The following ASXL2 variants were observed in gnomAD, a reference collection of about 807,000 sequenced individuals.
ASXL2 encodes the protein ASXL transcriptional regulator 2, also known as putative Polycomb group protein ASXL2.
ASXL2 carries 23 observed loss-of-function variants against 122.0 expected under a neutral mutation model. The observed-to-expected ratio is 0.19, with a 90% CI of 0.14 to 0.27. The LOEUF (loss-of-function observed/expected upper bound fraction) is 0.27. Among genes scored for constraint, ASXL2 ranks in the 10% least tolerant of loss-of-function variants. ASXL2 has a pLI of 1.00. For synonymous variants in ASXL2, 650 were observed against 637.0 expected (o/e 1.02, Z -0.31); for missense variants, 1,518 against 1,713.8 (o/e 0.89, Z 2.02).
At chr2:25,798,877 C>T (rs980515026) in intron 5 of ASXL2, among the ~76,000 whole-genome samples, 2 of 152,174 alleles carry the variant, frequency 1.3e-5, no homozygotes, top group African/African-American at 4.8e-5. Flanking sequence ...ATGGTGAATA[C>T]ACATCGTTAT....
intron 5 of ASXL2, among the ~76,000 whole-genome samples, chr2:25,792,090 G>A (rs1183211428): frequency 1.3e-5 from 2 of 152,148 alleles, no homozygotes; most frequent in Non-Finnish European, 2.9e-5. Flanking sequence ...TTGAACTCCC[G>A]GGCTCAAGCA....
intron 1 of ASXL2, among the ~76,000 whole-genome samples, chr2:25,863,130 C>A (rs138143272): frequency 6.6e-6 from 1 of 151,190 alleles, no homozygotes; most frequent in South Asian, 2.1e-4. Flanking sequence ...GAGATCGAGA[C>A]CATCCTAGCT....
At position 25,878,392 on chromosome 2, in the gene ASXL2, G is replaced by C; in HGVS notation, c.-170C>G. 3.2e-6 allele frequency: 2 copies of C among 617,302 alleles called. No homozygotes were observed. Among genetic ancestry groups the C allele is most frequent in the Non-Finnish European group, 5.6e-6 (2 of 355,716 alleles). The allele number at this position is 617,302 out of a possible 1,614,324, so 38.2% of individuals were successfully genotyped here. A position where few individuals can be genotyped will look rare whatever the true frequency, so the allele number is the denominator to read the frequency against. On this transcript the variant is annotated 5_prime_UTR_variant, in exon 1 of 13. Transcript: ENST00000435504. Reference sequence around the variant, plus strand: ...AAGCGGCGGGGGTGGTGCGCGGGGGGGTCTATGGGGCGGCCGGTCCTCTTG... The same window carrying C: ...AAGCGGCGGGGGTGGTGCGCGGGGGCGTCTATGGGGCGGCCGGTCCTCTTG...
Position 25,744,312 on chromosome 2 carries a change from G to GGCAGCT in ASXL2, c.2019_2024dup (p.Ala683_Ala684dup). On this transcript the variant is annotated inframe_insertion, in exon 13 of 13. Coordinates refer to ENST00000435504, the MANE Select transcript of ASXL2 (RefSeq NM_018263.6). The surrounding 1 kb of genome is among the most constrained non-coding windows in gnomAD (Gnocchi z 4.7). ...CGGCTGCAGCAGCTGCGGCGGCAGC[G>GGCAGCT]GCAGCTGCTGCCCTCTGTGCTTTGA... The GGCAGCT allele has an allele frequency of 1.9e-6, 3 of 1,611,728 alleles. No homozygotes were observed. Among genetic ancestry groups the GGCAGCT allele is most frequent in the Non-Finnish European group, 2.5e-6 (3 of 1,179,224 alleles).
At chr2:25,844,422 A>C (rs560484884) in intron 2 of ASXL2, among the ~76,000 whole-genome samples, 1 of 152,176 alleles carries the variant, frequency 6.6e-6, no homozygotes, top group East Asian at 1.9e-4. Context: ...CTCTACTAAA[A>C]GTACAAAAAT....
At chr2:25,760,448 T>A (rs1433355871) in intron 8 of ASXL2, among the ~76,000 whole-genome samples, 1 of 152,176 alleles carries the variant, frequency 6.6e-6, no homozygotes. Flanking sequence ...AATATTGTAA[T>A]ATGGTAATGG....
In ASXL2 at chr2:25,786,243, C is replaced by CTTTTTTTTTTTTTTTTTTTTTTTTTTTT. The variant is rs370316025; in HGVS notation, c.403+13141_403+13142insAAAAAAAAAAAAAAAAAAAAAAAAAAAA. On this transcript the variant is annotated intron_variant, in intron 5 of 12. Transcript: ENST00000435504. ...AAACAACCTACTACTCCACATCATT[C>CTTTTTTTTTTTTTTTTTTTTTTTTTTTT]TTTTTTTTTTTTTTTTGAGATGGAG... Among the ~76,000 whole-genome samples the CTTTTTTTTTTTTTTTTTTTTTTTTTTTT allele has an allele frequency of 7.1e-5, 8 of 112,404 alleles. 2 individuals carry two copies. Among genetic ancestry groups the CTTTTTTTTTTTTTTTTTTTTTTTTTTTT allele is most frequent in the African/African-American group, 2.3e-4 (6 of 26,214 alleles). The allele number at this position is 112,404 out of a possible 152,430, so 73.7% of individuals were successfully genotyped here. A position where few individuals can be genotyped will look rare whatever the true frequency, so the allele number is the denominator to read the frequency against.
chr2:25,816,524 A>G (rs957117007), intron 3 of ASXL2, among the ~76,000 whole-genome samples: 3 of 152,228 alleles, frequency 2.0e-5, no homozygotes, highest in African/African-American at 7.2e-5. Flanking sequence ...CCTGTGATTG[A>G]CATGAGAGCC....
chr2:25,810,538 C>T (rs190677435), intron 3 of ASXL2: 37 of 728,526 alleles, frequency 5.1e-5, no homozygotes, highest in Middle Eastern at 7.7e-4. Flanking sequence ...TTCCCAGGCG[C>T]GCCTTTCTCC....
rs1209686137 is a variant in ASXL2, at chr2:25,742,550, T to C, written c.3787A>G (p.Arg1263Gly). ...GQTFDEKTLA[R>G]DLIQAAQKQM... ...TTCTGTGCTGCCTGAATTAAATCTC[T>C]GGCTAGGGTCTTTTCATCAAATGTT... Residue 1263 changes from arginine (R) to glycine (G), a missense_variant, in exon 13 of 13, where the codon AGA becomes GGA. This residue lies in a region of ASXL2 where 831 missense variants were observed against 833.1 expected (regional missense o/e 1.00). Transcript: ENST00000435504. 1.2e-6 allele frequency: 2 copies of C among 1,614,056 alleles called. No individual in the cohort carries two copies. Among genetic ancestry groups the C allele is most frequent in the South Asian group, 2.2e-5 (2 of 91,076 alleles).
chr2:25,790,320 G>A (rs2088811209), intron 5 of ASXL2, among the ~76,000 whole-genome samples: 1 of 146,348 alleles, frequency 6.8e-6, no homozygotes, highest in Non-Finnish European at 1.5e-5. Context: ...CAGTTGCGGG[G>A]TGGGGGTGGG....
At position 25,829,013 on chromosome 2, in the gene ASXL2, A is replaced by G. The variant is rs568938625; in HGVS notation, c.143+6525T>C. ...TCACAAGGCTTATTAAAGATTAAACAGACCATGTGAATGGACTCCCATCTT... is the reference window on the plus strand; with the variant it reads ...TCACAAGGCTTATTAAAGATTAAACGGACCATGTGAATGGACTCCCATCTT... On this transcript the variant is annotated intron_variant, in intron 3 of 12. Coordinates refer to ENST00000435504, the MANE Select transcript of ASXL2 (RefSeq NM_018263.6). Among the ~76,000 whole-genome samples the G allele has an allele frequency of 2.6e-5, 4 of 152,294 alleles. 1 individual carries two copies. In the South Asian group the frequency reaches 8.3e-4, roughly 32 times the overall value.
intron 1 of ASXL2, among the ~76,000 whole-genome samples, chr2:25,855,406 T>C (rs1253771055): frequency 6.6e-6 from 1 of 152,104 alleles, no homozygotes; most frequent in Admixed American, 6.5e-5. Context: ...ATTAAGCTCA[T>C]GCCTGTAATC....
chr2:25,824,042 G>A (rs1392780172), intron 3 of ASXL2, among the ~76,000 whole-genome samples: 1 of 152,150 alleles, frequency 6.6e-6, no homozygotes, highest in Non-Finnish European at 1.5e-5. Context: ...AATTGGAAAA[G>A]AAAGTGTTGT....
chr2:25,799,234 C>G, intron 5 of ASXL2, 151 bp downstream of exon 5: 2 of 1,002,558 alleles, frequency 2.0e-6, no homozygotes, highest in East Asian at 2.4e-5. Flanking sequence ...ATAAACATCT[C>G]CATCATTGCA....
Position 25,739,373 on chromosome 2 carries a change from T to G in ASXL2, c.*2656A>C, listed in dbSNP as rs1574386825. 2 of 176,622 alleles carry G rather than the reference T, an allele frequency of 1.1e-5. No homozygotes were observed. The highest frequency in any genetic ancestry group is 4.0e-4 in the South Asian group (2 of 5,028). 10.9% of individuals were successfully genotyped at this position (176,622 alleles called of 1,614,324 possible). ...TAAAAGGCCAGATTGTAATGTGTTT[T>G]TTTTTTTTTTAATTTTTCTGTTCAG... On this transcript the variant is annotated 3_prime_UTR_variant, in exon 13 of 13. Coordinates refer to ENST00000435504, the MANE Select transcript of ASXL2 (RefSeq NM_018263.6).
In ASXL2 at chr2:25,750,222, T is replaced by C. The variant is rs1286136003; in HGVS notation, c.1334A>G (p.Glu445Gly). 3.1e-6 allele frequency: 5 copies of C among 1,614,000 alleles called. No homozygotes were observed. Among genetic ancestry groups the C allele is most frequent in the Non-Finnish European group, 4.2e-6 (5 of 1,179,888 alleles). ...ALQMSSPGRK[E>G]ECESQGEVQP... The stretch of plus-strand genomic sequence containing the variant: ...CACTTCACCTTGGCTTTCACACTCT[T>C]CTTTTCTGCCTGGTGATGACATTTG... The change falls in exon 12 of 13, where the codon GAA becomes GGA. Residue 445 changes from glutamate to glycine, a missense_variant. Transcript: ENST00000435504.
chr2:25,863,699 A>AAAAAC (rs1360281515), intron 1 of ASXL2, among the ~76,000 whole-genome samples: 4 of 151,352 alleles, frequency 2.6e-5, no homozygotes, highest in Non-Finnish European at 4.4e-5. Flanking sequence ...TCTCAAAAAC[A>AAAAAC]AAAACAAAAC....
chr2:25,842,098 G>C (rs1380061945), intron 2 of ASXL2, among the ~76,000 whole-genome samples: 1 of 146,338 alleles, frequency 6.8e-6, no homozygotes, highest in Non-Finnish European at 1.5e-5. Flanking sequence ...GGCGACAAGA[G>C]CAAAACTCTG....
Sources: gnomAD v4.1 joint callset for allele counts (sites outside exome capture counted in the v4.1 genomes callset) on GRCh38, gnomAD v4.1.1 for gene constraint, gnomAD v4.1.1 regional missense constraint, Gnocchi (gnomAD v3.1) non-coding constraint, MANE v1.5 for transcripts, NCBI Gene and HGNC (gene_info 2026-07-23, HGNC 2026-07-21) for gene names.